Variants in NCOA2 observed in about 807,000 individuals in gnomAD.
The protein encoded by NCOA2 is nuclear receptor coactivator 2, also known as class E basic helix-loop-helix protein 75.
In NCOA2, 21 loss-of-function variants were observed where a neutral mutation model predicts 145.1. The ratio of observed to expected loss-of-function variants is 0.14; its 90% CI spans 0.10 to 0.21. The LOEUF is 0.21. Among genes scored for constraint, NCOA2 ranks in the 10% least tolerant of loss-of-function variants. The pLI, the probability that NCOA2 is intolerant of heterozygous loss-of-function variation, is 1.00. For synonymous variants in NCOA2, 619 were observed against 637.5 expected (o/e 0.97, Z 0.44); for missense variants, 1,472 against 1,837.6 (o/e 0.80, Z 3.64).
intron 1 of NCOA2, among the ~76,000 whole-genome samples, chr8:70,335,464 A>G (rs1308818999): frequency 6.6e-6 from 1 of 152,162 alleles, no homozygotes; most frequent in Non-Finnish European, 1.5e-5. Flanking sequence ...CATAACAAAA[A>G]TTTGCCATGA....
the NCOA2 span, among the ~76,000 whole-genome samples, chr8:70,451,237 A>AAAAAAATATAT: frequency 1.4e-5 from 1 of 69,526 alleles, no homozygotes; most frequent in African/African-American, 7.6e-5. Flanking sequence ...AAAAAAAAAA[A>AAAAAAATATAT]ATATATATAT....
intron 21 of NCOA2, 138 bp from the exon 22 acceptor site, chr8:70,121,529 T>A: frequency 1.6e-6 from 1 of 640,580 alleles, no homozygotes; most frequent in Non-Finnish European, 2.8e-6. Flanking sequence ...AATGGCCTCA[T>A]CCTACACAAG....
At chr8:70,386,201 CAG>C (rs1300165271) in intron 1 of NCOA2, among the ~76,000 whole-genome samples, 1 of 152,210 alleles carries the variant, frequency 6.6e-6, no homozygotes, top group Non-Finnish European at 1.5e-5. Context: ...AAATTACAAA[CAG>C]ATTTCTAGAT....
rs752839847 is a variant in NCOA2, at chr8:70,216,784, A to C, written c.-19-20T>G. The C allele has an allele frequency of 1.6e-5, 23 of 1,470,760 alleles. No individual in the cohort carries two copies. In the Middle Eastern group the frequency reaches 5.1e-4, roughly 33 times the overall value. The allele number at this position is 1,470,760 out of a possible 1,614,324, so 91.1% of individuals were successfully genotyped here. A position where few individuals can be genotyped will look rare whatever the true frequency, so the allele number is the denominator to read the frequency against. ...CAGCAACTAAAACAGAAAACAGAGA[A>C]GAGGAAGAAAAAAATGAAGAGAGCT... On this transcript the variant is annotated intron_variant, in intron 2 of 22. Coordinates refer to ENST00000452400, the MANE Select transcript of NCOA2 (RefSeq NM_006540.4).
intron 2 of NCOA2, among the ~76,000 whole-genome samples, chr8:70,263,143 G>A (rs1824275079): frequency 1.4e-5 from 2 of 147,970 alleles, no homozygotes; most frequent in Admixed American, 6.8e-5. Context: ...TCAAATAAGG[G>A]TCACTGGAAC....
chr8:70,450,573 C>CTTTTTTTTTT, the NCOA2 span, among the ~76,000 whole-genome samples: 965 of 94,600 alleles, frequency 0.01, 38 homozygotes, highest in East Asian at 0.018. Flanking sequence ...TCTTTTTATT[C>CTTTTTTTTTT]TTTTTTTTTT....
chr8:70,374,793 C>A (rs1173330749), intron 1 of NCOA2, among the ~76,000 whole-genome samples: 1 of 143,746 alleles, frequency 7.0e-6, no homozygotes, highest in African/African-American at 2.6e-5. Flanking sequence ...GATGCTGTCT[C>A]TTTAAAAAAA....
At chr8:70,146,811 T>A (rs867064098) in intron 12 of NCOA2, among the ~76,000 whole-genome samples, 1 of 152,066 alleles carries the variant, frequency 6.6e-6, no homozygotes, top group African/African-American at 2.4e-5. Flanking sequence ...TTCTCCTGCC[T>A]CAGCCTCCCG....
At chr8:70,447,682 C>CTCTTTT in the NCOA2 span, among the ~76,000 whole-genome samples, 1 of 113,066 alleles carries the variant, frequency 8.8e-6, no homozygotes, top group East Asian at 2.7e-4. Context: ...TCTTTGTTTT[C>CTCTTTT]TTTTTTTTTT....
chr8:70,167,520 G>T (rs895025982), intron 6 of NCOA2, among the ~76,000 whole-genome samples: 1 of 151,850 alleles, frequency 6.6e-6, no homozygotes, highest in African/African-American at 2.4e-5. Context: ...TGCCTCCTTG[G>T]GCAGATTTTT....
chr8:70,279,852 A>G (rs538237979), intron 2 of NCOA2, among the ~76,000 whole-genome samples: 26 of 152,328 alleles, frequency 1.7e-4, no homozygotes, highest in Middle Eastern at 3.4e-3. Context: ...GAAAAAAGCC[A>G]ACACAAGAAA....
chr8:70,233,190 C>A (rs1374912114), intron 2 of NCOA2, among the ~76,000 whole-genome samples: 1 of 151,912 alleles, frequency 6.6e-6, no homozygotes, highest in Non-Finnish European at 1.5e-5. Flanking sequence ...CGCACCACTA[C>A]ACTCCAGCCT....
chr8:70,156,198 C>T lies in NCOA2; in HGVS notation c.2167G>A (p.Ala723Thr), dbSNP rs1213354349. 4 of 1,613,944 alleles carry T rather than the reference C, an allele frequency of 2.5e-6. No individual in the cohort carries two copies. Among genetic ancestry groups the T allele is most frequent in the South Asian group, 1.1e-5 (1 of 91,078 alleles). ...KDLSQESSST[A>T]PGSEVTIKQE... ...TTAATAGTCACTTCTGATCCAGGAG[C>T]TGTGCTGCTGGACTCCTGGCTCAGG... Residue 723 changes from alanine to threonine, a missense_variant, in exon 11 of 23, where the codon GCT (alanine) becomes ACT (threonine). Ala to Thr is a moderately conservative substitution (Grantham distance 58). This residue lies in a region of NCOA2 where 953 missense variants were observed against 1,062.1 expected (regional missense o/e 0.90). Coordinates refer to ENST00000452400, the MANE Select transcript of NCOA2 (RefSeq NM_006540.4).
At position 70,128,862 on chromosome 8, in the gene NCOA2, T is replaced by C; in HGVS notation, c.3443A>G (p.Tyr1148Cys). 3 of 1,614,012 alleles carry C rather than the reference T, an allele frequency of 1.9e-6. No homozygotes were observed. Among genetic ancestry groups the C allele is most frequent in the Non-Finnish European group, 2.5e-6 (3 of 1,179,884 alleles). ...AAAGTTTGGATCTTGCATGGGAGAA[T>C]AGCTACCCTGGGCCATTTGTGCCTG... ...ASQAQMAQGS[Y>C]SPMQDPNFHT... Residue 1148 changes from tyrosine to cysteine, a missense_variant, in exon 17 of 23, where the codon TAT becomes TGT. Physicochemically the swap from Tyr to Cys is radical, Grantham distance 194. This residue lies in a region of NCOA2 where 953 missense variants were observed against 1,062.1 expected (regional missense o/e 0.90). Coordinates refer to ENST00000452400, the MANE Select transcript of NCOA2 (RefSeq NM_006540.4).
intron 2 of NCOA2, among the ~76,000 whole-genome samples, chr8:70,296,399 C>A (rs1046778040): frequency 6.6e-6 from 1 of 152,074 alleles, no homozygotes; most frequent in Non-Finnish European, 1.5e-5. Flanking sequence ...ATGAGAAATA[C>A]CACCACTCAA....
At chr8:70,148,192 G>A in intron 12 of NCOA2, 81 bp downstream of exon 12, 1 of 1,356,662 alleles carries the variant, frequency 7.4e-7, no homozygotes, top group Non-Finnish European at 1.1e-6. Context: ...TAAGCTGGTT[G>A]CATCAGACTT....
chr8:70,283,442 A>G (rs1046767208), intron 2 of NCOA2, among the ~76,000 whole-genome samples: 2 of 152,208 alleles, frequency 1.3e-5, no homozygotes, highest in East Asian at 1.9e-4. Flanking sequence ...CCAGGCAACA[A>G]ATACAATTTG....
chr8:70,444,886 C>T, the NCOA2 span, among the ~76,000 whole-genome samples: 1 of 152,124 alleles, frequency 6.6e-6, no homozygotes, highest in African/African-American at 2.4e-5. Context: ...ATGGACCTCA[C>T]CTTGATTCTA....
chr8:70,362,750 T>C (rs952866119), intron 1 of NCOA2, among the ~76,000 whole-genome samples: 3 of 152,178 alleles, frequency 2.0e-5, no homozygotes, highest in Admixed American at 6.5e-5. Flanking sequence ...TGGCAGTTTC[T>C]TATAAAGTTT....
Sources: allele counts gnomAD v4.1 joint callset (sites outside exome capture counted in the v4.1 genomes callset), GRCh38; gene constraint gnomAD v4.1.1; regional missense constraint gnomAD v4.1.1; transcripts MANE v1.5; gene names NCBI Gene and HGNC (gene_info 2026-07-23, HGNC 2026-07-21).